The following PLVAP variants were observed in gnomAD, a reference collection of about 807,000 sequenced individuals.
PLVAP encodes plasmalemma vesicle associated protein.
PLVAP carries 34 observed loss-of-function variants against 43.1 expected under a neutral mutation model. The ratio of observed to expected loss-of-function variants is 0.79; its 90% CI spans 0.60 to 1.05. The LOEUF (loss-of-function observed/expected upper bound fraction) is 1.05. PLVAP is among the 50% of genes least tolerant of loss of function. PLVAP has a pLI of 0.00. For synonymous variants in PLVAP, 241 were observed against 237.3 expected (o/e 1.02, Z -0.14); for missense variants, 574 against 593.4 (o/e 0.97, Z 0.34).
At position 17,377,083 on chromosome 19, in the gene PLVAP, C is replaced by A; in HGVS notation, c.206G>T (p.Gly69Val). 1 of 1,614,162 alleles carries A rather than the reference C, an allele frequency of 6.2e-7. No individual in the cohort carries two copies. Among genetic ancestry groups the A allele is most frequent in the Non-Finnish European group, 8.5e-7 (1 of 1,180,026 alleles). Residue 69 changes from glycine to valine, a missense_variant, in exon 1 of 6, where the codon GGC becomes GTC. Transcript: ENST00000252590. ...GAGCCCTAGGAGCTGACTGTATAGG[C>A]CCTCGGCTCGGCGCTCGGTGGCCTG... The part of the protein sequence containing the change: ...NLQATERRAE[G>V]LYSQLLGLTA...
At chr19:17,374,282 C>G (rs2074585919) in intron 1 of PLVAP, among the ~76,000 whole-genome samples, 1 of 152,126 alleles carries the variant, frequency 6.6e-6, no homozygotes, top group Non-Finnish European at 1.5e-5. Flanking sequence ...CTGGCTAACA[C>G]AGTGAAACCC....
At chr19:17,365,139 C>T in intron 3 of PLVAP, 147 bp downstream of exon 3, 1 of 683,538 alleles carries the variant, frequency 1.5e-6, no homozygotes, top group South Asian at 1.9e-5. Context: ...TATCCTGATC[C>T]TAATGCCTGA....
rs777987047 is a variant in PLVAP at position 17,352,418 on chromosome 19, G to T, written c.1323-50C>A. 1.3e-5 allele frequency: 21 copies of T among 1,595,638 alleles called. No individual in the cohort carries two copies. The East Asian group carries it at 4.2e-4, about 32-fold the overall frequency. Reference sequence around the variant, plus strand: ...ACAACAGAGTGTCAGACAGAGGGAAGGGCAAACCTCGCCGGGCCCTGGAGG... The same window carrying T: ...ACAACAGAGTGTCAGACAGAGGGAATGGCAAACCTCGCCGGGCCCTGGAGG... On this transcript the variant is annotated intron_variant, in intron 5 of 5. Coordinates refer to ENST00000252590, the MANE Select transcript of PLVAP (RefSeq NM_031310.3).
intron 1 of PLVAP, among the ~76,000 whole-genome samples, chr19:17,369,969 C>T (rs1045047392): frequency 1.4e-5 from 2 of 141,944 alleles, no homozygotes; most frequent in Admixed American, 7.4e-5. Context: ...CACCATTGCA[C>T]TCCAGCCTGG....
At position 17,365,370 on chromosome 19, in the gene PLVAP, C is replaced by T. The variant is rs377281215; in HGVS notation, c.1095G>A (p.Leu365=). 2 of 1,613,362 alleles carry T rather than the reference C, an allele frequency of 1.2e-6. No homozygotes were observed. Among genetic ancestry groups the T allele is most frequent in the African/African-American group, 2.7e-5 (2 of 74,940 alleles). ...GCTCCGCCTCCCTCTTCTTCTCTTC[C>T]AGCTCCTTGGCCAGGTTGTCTCGTT... is the stretch of plus-strand genomic sequence containing the variant. The part of the protein sequence containing the change: ...RKERDNLAKE[L]EEKKREAEQL... The change falls in exon 3 of 6, where the codon CTG becomes CTA. Residue 365 remains leucine, a synonymous_variant. Transcript: ENST00000252590.
chr19:17,374,276 C>T (rs190101981), intron 1 of PLVAP, among the ~76,000 whole-genome samples: 1 of 152,310 alleles, frequency 6.6e-6, no homozygotes, highest in Non-Finnish European at 1.5e-5. Flanking sequence ...ACCATCCTGG[C>T]TAACACAGTG....
rs377500653 is a variant in PLVAP at position 17,365,829 on chromosome 19, C to T, written c.636G>A (p.Gln212=). The change falls in exon 3 of 6, where the codon CAG becomes CAA. Residue 212 remains glutamine (Q), a synonymous_variant. Coordinates refer to ENST00000252590, the MANE Select transcript of PLVAP (RefSeq NM_031310.3). ...CCTTTTGCAGTTGCTCCTTGGCCAG[C>T]TGGCGCTCTTGGTGCTGCAGCTCCC... ...KTRELQHQER[Q]LAKEQLQKVQ... The T allele has an allele frequency of 8.7e-6, 14 of 1,614,056 alleles. No homozygotes were observed. The highest frequency in any genetic ancestry group is 1.2e-5 in the Non-Finnish European group (14 of 1,180,046).
chr19:17,366,822 G>A (rs887865318), intron 1 of PLVAP, among the ~76,000 whole-genome samples: 1 of 151,672 alleles, frequency 6.6e-6, no homozygotes, highest in African/African-American at 2.4e-5. Flanking sequence ...TTTTGGTAGA[G>A]ACAGGGTTTC....
chr19:17,359,693 C>CTTTT (rs10617408), intron 5 of PLVAP, among the ~76,000 whole-genome samples: 2 of 116,154 alleles, frequency 1.7e-5, no homozygotes, highest in African/African-American at 3.2e-5. Context: ...TACCCGGCCT[C>CTTTT]TTTTTTTTTT....
chr19:17,368,073 T>A (rs2074557382), intron 1 of PLVAP, among the ~76,000 whole-genome samples: 1 of 145,386 alleles, frequency 6.9e-6, no homozygotes, highest in African/African-American at 2.6e-5. Flanking sequence ...AATTTTTTTT[T>A]TTTTTTTTTT....
chr19:17,354,262 C>T (rs1446689366), intron 5 of PLVAP, among the ~76,000 whole-genome samples: 1 of 151,748 alleles, frequency 6.6e-6, no homozygotes, highest in Admixed American at 6.6e-5. Flanking sequence ...TGCACTGCAG[C>T]CTGGGCAACA....
intron 1 of PLVAP, among the ~76,000 whole-genome samples, chr19:17,373,136 G>A (rs1474495883): frequency 6.6e-6 from 1 of 151,124 alleles, no homozygotes; most frequent in East Asian, 1.9e-4. Context: ...TCTGAGAGGG[G>A]AGGCAGGGCT....
intron 1 of PLVAP, among the ~76,000 whole-genome samples, chr19:17,368,958 G>C (rs2074561026): frequency 6.6e-6 from 1 of 151,920 alleles, no homozygotes; most frequent in South Asian, 2.1e-4. Context: ...AGTCCAGCCT[G>C]GGTGACAGAG....
chr19:17,369,900 G>T (rs1442215024), intron 1 of PLVAP, among the ~76,000 whole-genome samples: 1 of 150,754 alleles, frequency 6.6e-6, no homozygotes, highest in Non-Finnish European at 1.5e-5. Flanking sequence ...CTACTTGGGA[G>T]GCTGAGGCAG....
intron 3 of PLVAP, among the ~76,000 whole-genome samples, chr19:17,363,460 C>A (rs890215293): frequency 6.6e-5 from 10 of 152,170 alleles, no homozygotes; most frequent in Admixed American, 6.6e-4. Context: ...GGCCACCGCG[C>A]CTGGTCGTAG....
Position 17,374,424 on chromosome 19 carries a change from C to T in PLVAP, c.369+2496G>A, listed in dbSNP as rs374952766. Reference sequence around the variant, plus strand: ...GGCTTGCAGTGAGCCGAGACTGCGCCACTGCACTCCAGCCTGGGTGAAAGA... The same window carrying T: ...GGCTTGCAGTGAGCCGAGACTGCGCTACTGCACTCCAGCCTGGGTGAAAGA... On this transcript the variant is annotated intron_variant, in intron 1 of 5. Transcript: ENST00000252590. Among the ~76,000 whole-genome samples the T allele has an allele frequency of 1.9e-4, 29 of 152,188 alleles. 1 individual carries two copies. In the South Asian group the frequency reaches 5.2e-3, roughly 27 times the overall value.
intron 5 of PLVAP, among the ~76,000 whole-genome samples, chr19:17,354,303 T>G (rs896963594): frequency 2.7e-5 from 4 of 150,878 alleles, no homozygotes; most frequent in Non-Finnish European, 5.9e-5. Flanking sequence ...ATAAAAAAGA[T>G]TAAGAAAATA....
In PLVAP at chr19:17,360,600, C is replaced by T. The variant is rs1356775178; in HGVS notation, c.1250G>A (p.Ser417Asn). 6.2e-7 allele frequency: 1 copy of T among 1,612,540 alleles called. No homozygotes were observed. The highest frequency in any genetic ancestry group is 1.7e-5 in the Admixed American group (1 of 59,792). ...GATCTTCCTCTTGAACTCCTCCAGG[C>T]TAGCTGGGTCTGTGGAGGGAGAGAG... ...VPNPQPIDPA[S>N]LEEFKRKILE... The change falls in exon 5 of 6, where the codon AGC (serine) becomes AAC (asparagine). Residue 417 changes from serine to asparagine, a missense_variant. Coordinates refer to ENST00000252590, the MANE Select transcript of PLVAP (RefSeq NM_031310.3).
intron 5 of PLVAP, among the ~76,000 whole-genome samples, chr19:17,358,011 G>A (rs1331926606): frequency 6.6e-6 from 1 of 152,136 alleles, no homozygotes; most frequent in Non-Finnish European, 1.5e-5. Flanking sequence ...ACTTCCCTGG[G>A]GCCTCAGTTT....
Sources: allele counts gnomAD v4.1 joint callset (sites outside exome capture counted in the v4.1 genomes callset), GRCh38; gene constraint gnomAD v4.1.1; transcripts MANE v1.5; gene names NCBI Gene and HGNC (gene_info 2026-07-23, HGNC 2026-07-21).